SPIDR: variants seen among roughly 807,000 people sequenced by gnomAD.
SPIDR encodes DNA repair-scaffolding protein.
A neutral mutation model predicts 104.6 loss-of-function variants in SPIDR; 93 were observed. The ratio of observed to expected loss-of-function variants is 0.89; its 90% CI spans 0.75 to 1.06. The LOEUF (loss-of-function observed/expected upper bound fraction) is 1.06. Ranked by LOEUF, SPIDR falls within the 50% of genes least tolerant of loss-of-function variation. The pLI, the probability that SPIDR is intolerant of heterozygous loss-of-function variation, is 0.00. For synonymous variants in SPIDR, 431 were observed against 416.9 expected, an observed-to-expected ratio of 1.03 and a Z score of -0.41; for missense variants, 1,154 against 1,111.2, an observed-to-expected ratio of 1.04 and a Z score of -0.55.
At chr8:47,334,116 T>G (rs1554606724) in intron 5 of SPIDR, among the ~76,000 whole-genome samples, 1 of 152,236 alleles carries the variant, frequency 6.6e-6, no homozygotes, top group Non-Finnish European at 1.5e-5. Flanking sequence ...TAATTGATCT[T>G]TATTTTGATC....
intron 8 of SPIDR, among the ~76,000 whole-genome samples, chr8:47,443,232 G>A (rs1255177180): frequency 6.6e-6 from 1 of 152,000 alleles, no homozygotes; most frequent in African/African-American, 2.4e-5. Flanking sequence ...ATGCCTGTGG[G>A]CTGTCAAGAG....
intron 11 of SPIDR, among the ~76,000 whole-genome samples, chr8:47,682,100 A>G (rs930367316): frequency 2.0e-5 from 3 of 152,114 alleles, no homozygotes; most frequent in South Asian, 4.1e-4. Flanking sequence ...CATCACCCCA[A>G]TGCAAACAGA....
At chr8:47,586,800 G>A (rs538783372) in intron 8 of SPIDR, among the ~76,000 whole-genome samples, 13 of 152,130 alleles carry the variant, frequency 8.5e-5, no homozygotes, top group Middle Eastern at 3.4e-3. Flanking sequence ...AGGGAGTCTC[G>A]CTCTGTCGAC....
At chr8:47,278,576 C>T (rs1249885066) in intron 1 of SPIDR, among the ~76,000 whole-genome samples, 2 of 151,946 alleles carry the variant, frequency 1.3e-5, no homozygotes, top group African/African-American at 4.8e-5. Flanking sequence ...ATTTGTGGGG[C>T]CTCTGGTTTC....
At chr8:47,312,607 AT>A (rs2044419268) in intron 5 of SPIDR, among the ~76,000 whole-genome samples, 1 of 151,978 alleles carries the variant, frequency 6.6e-6, no homozygotes, top group South Asian at 2.1e-4. Context: ...TTCATTGTAG[AT>A]TCTGGATATT....
At chr8:47,345,267 G>A (rs974999463) in intron 5 of SPIDR, among the ~76,000 whole-genome samples, 1 of 152,128 alleles carries the variant, frequency 6.6e-6, no homozygotes, top group Non-Finnish European at 1.5e-5. Context: ...AAGATCACAT[G>A]GTTATAGATG....
At chr8:47,275,549 TA>T (rs1177076206) in intron 1 of SPIDR, among the ~76,000 whole-genome samples, 3 of 152,194 alleles carry the variant, frequency 2.0e-5, no homozygotes, top group African/African-American at 7.2e-5. Context: ...GCGTTGCATA[TA>T]TTTTTTAGTT....
intron 8 of SPIDR, among the ~76,000 whole-genome samples, chr8:47,556,704 A>C (rs2091367657): frequency 6.6e-6 from 1 of 152,018 alleles, no homozygotes; most frequent in South Asian, 2.1e-4. Flanking sequence ...GGCTGATGTG[A>C]TCCTTCCACC....
intron 10 of SPIDR, among the ~76,000 whole-genome samples, chr8:47,616,993 G>T (rs1588434967): frequency 2.0e-5 from 3 of 152,016 alleles, no homozygotes; most frequent in Non-Finnish European, 4.4e-5. Context: ...CAATTTTGAG[G>T]ATTACTGGAC....
chr8:47,377,158 T>C (rs1442943511), intron 5 of SPIDR, among the ~76,000 whole-genome samples: 6 of 152,216 alleles, frequency 3.9e-5, no homozygotes, highest in Admixed American at 3.9e-4. Flanking sequence ...TGGGGACTGG[T>C]ATTTCTTTTA....
At chr8:47,303,477 A>G (rs1444821110) in intron 5 of SPIDR, among the ~76,000 whole-genome samples, 4 of 152,084 alleles carry the variant, frequency 2.6e-5, no homozygotes, top group Non-Finnish European at 4.4e-5. Context: ...AACACTCCCC[A>G]GTGAGATGAA....
intron 8 of SPIDR, among the ~76,000 whole-genome samples, chr8:47,560,468 C>T (rs1287337462): frequency 6.6e-6 from 1 of 152,150 alleles, no homozygotes; most frequent in African/African-American, 2.4e-5. Flanking sequence ...TGCTTCAAGT[C>T]CTCAGTTCCC....
intron 8 of SPIDR, among the ~76,000 whole-genome samples, chr8:47,476,326 C>T (rs2076293483): frequency 6.6e-6 from 1 of 152,132 alleles, no homozygotes; most frequent in South Asian, 2.1e-4. Context: ...GGACAGGCTC[C>T]TTGATTGCCA....
At chr8:47,442,165 G>A (rs1334454908) in intron 8 of SPIDR, among the ~76,000 whole-genome samples, 8 of 151,892 alleles carry the variant, frequency 5.3e-5, no homozygotes, top group African/African-American at 1.9e-4. Flanking sequence ...TTATTTTCAA[G>A]TATGCATTGT....
rs529730433 is a variant in SPIDR, at chr8:47,583,856, A to G, written c.1098-11955A>G. 3.3e-5 allele frequency among the ~76,000 whole-genome samples: 5 copies of G among 152,266 alleles called. No individual in the cohort carries two copies. The South Asian group carries it at 1.0e-3, about 32-fold the overall frequency. Reference sequence around the variant, plus strand: ...TCCTGCCTCTCCTGGGAAGCCTCCTAGCAGCTCCCAGAGGGGCCGCCCTTG... The same window carrying G: ...TCCTGCCTCTCCTGGGAAGCCTCCTGGCAGCTCCCAGAGGGGCCGCCCTTG... On this transcript the variant is annotated intron_variant, in intron 8 of 19. Transcript: ENST00000297423.
chr8:47,412,066 C>T (rs922773008), intron 7 of SPIDR, among the ~76,000 whole-genome samples: 4 of 152,042 alleles, frequency 2.6e-5, no homozygotes, highest in Admixed American at 6.6e-5. Flanking sequence ...AGCCTTGTAG[C>T]ATAGTTTGAA....
intron 10 of SPIDR, among the ~76,000 whole-genome samples, chr8:47,655,621 A>T (rs1343755693): frequency 6.6e-6 from 1 of 152,128 alleles, no homozygotes; most frequent in Non-Finnish European, 1.5e-5. Flanking sequence ...GATTCTGGAT[A>T]TTAGCCCTTT....
intron 8 of SPIDR, chr8:47,511,760 G>C (rs1186251603): frequency 7.7e-7 from 1 of 1,301,140 alleles, no homozygotes; most frequent in African/African-American, 1.4e-5. Context: ...ACAGCTCCAT[G>C]CTCTTTGGCA....
At chr8:47,525,620 G>A (rs2084856762) in intron 8 of SPIDR, among the ~76,000 whole-genome samples, 1 of 147,004 alleles carries the variant, frequency 6.8e-6, no homozygotes, top group Non-Finnish European at 1.5e-5. Flanking sequence ...GGCCAACATG[G>A]TGAAACCCCA....
Sources: allele counts gnomAD v4.1 joint callset (sites outside exome capture counted in the v4.1 genomes callset), GRCh38; gene constraint gnomAD v4.1.1; transcripts MANE v1.5; gene names NCBI Gene and HGNC (gene_info 2026-07-23, HGNC 2026-07-21).